Variants in PLCG2 observed in about 807,000 individuals in gnomAD.
The protein encoded by PLCG2 is phospholipase C gamma 2.
PLCG2 carries 69 observed loss-of-function variants against 175.6 expected under a neutral mutation model. The ratio of observed to expected loss-of-function variants is 0.39; its 90% confidence interval spans 0.32 to 0.48. The LOEUF (loss-of-function observed/expected upper bound fraction) is 0.48, where lower values mean the gene tolerates loss of function less well. Ranked by LOEUF, PLCG2 falls within the 20% of genes least tolerant of loss-of-function variation. PLCG2 has a pLI of 0.91. For synonymous variants in PLCG2, 827 were observed against 624.0 expected (o/e 1.33, Z -4.85); for missense variants, 1,798 against 1,650.9 (o/e 1.09, Z -1.54).
intron 5 of PLCG2, among the ~76,000 whole-genome samples, chr16:81,868,859 G>C (rs564656063): frequency 9.9e-5 from 15 of 152,076 alleles, no homozygotes; most frequent in Non-Finnish European, 1.9e-4. Context: ...CTATACTGGG[G>C]ATCTCCAGTG....
intron 31 of PLCG2, among the ~76,000 whole-genome samples, chr16:81,953,001 C>T (rs991937810): frequency 6.6e-6 from 1 of 152,230 alleles, no homozygotes; most frequent in Non-Finnish European, 1.5e-5. Context: ...CACGTACTTC[C>T]TGAGGTGAGA....
chr16:81,883,292 C>G lies in PLCG2; in HGVS notation c.716C>G (p.Ser239Cys). 1 of 1,614,180 alleles carries G rather than the reference C, an allele frequency of 6.2e-7. No homozygotes were observed. The highest frequency in any genetic ancestry group is 1.1e-5 in the South Asian group (1 of 91,084). The change falls in exon 9 of 33, where the codon TCT becomes TGT. Residue 239 changes from serine (S) to cysteine (C), a missense_variant. Physicochemically the swap from Ser to Cys is moderately radical, Grantham distance 112. Coordinates refer to ENST00000564138, the MANE Select transcript of PLCG2 (RefSeq NM_002661.5). ...AGGAACACTGACAGGCCGGATGCCT[C>G]TGCTGTTTACCTGCATGACTTCCAG... Reference protein sequence around the residue: ...ILGNTDRPDASAVYLHDFQRF... With the variant: ...ILGNTDRPDACAVYLHDFQRF...
chr16:81,847,393 C>G (rs1906180990), intron 2 of PLCG2, among the ~76,000 whole-genome samples: 1 of 152,194 alleles, frequency 6.6e-6, no homozygotes, highest in Non-Finnish European at 1.5e-5. Context: ...CCATTGGTGA[C>G]CAACTCAGTC....
In PLCG2 at chr16:81,860,178, T is replaced by TATTATTA. The variant is rs1285440736; in HGVS notation, c.479+1015_479+1016insATTATTA. ...TATTATTATTATTATTATTATTTTT[T>TATTATTA]TTTTTTTTTGTAAAGGTGAAGTCTT... On this transcript the variant is annotated intron_variant, in intron 5 of 32. Coordinates refer to ENST00000564138, the MANE Select transcript of PLCG2 (RefSeq NM_002661.5). Among the ~76,000 whole-genome samples the TATTATTA allele has an allele frequency of 1.9e-3, 211 of 113,878 alleles. 1 individual carries two copies. In the Middle Eastern group the frequency reaches 0.02, roughly 11 times the overall value. 74.7% of individuals were successfully genotyped at this position (113,878 alleles called of 152,430 possible).
intron 30 of PLCG2, among the ~76,000 whole-genome samples, chr16:81,940,559 T>C (rs1041779466): frequency 6.6e-6 from 1 of 152,222 alleles, no homozygotes; most frequent in African/African-American, 2.4e-5. Flanking sequence ...CTTTGAGTTG[T>C]TACAGTTTTC....
In PLCG2 at chr16:81,959,572, C is replaced by A. The variant is rs1220977557; in HGVS notation, c.*1574C>A. The A allele has an allele frequency of 2.0e-5, 4 of 201,348 alleles. No individual in the cohort carries two copies. Among genetic ancestry groups the A allele is most frequent in the Non-Finnish European group, 4.1e-5 (4 of 97,848 alleles). The allele number at this position is 201,348 out of a possible 1,614,324, so 12.5% of individuals were successfully genotyped here. On this transcript the variant is annotated 3_prime_UTR_variant, in exon 33 of 33. Coordinates refer to ENST00000564138, the MANE Select transcript of PLCG2 (RefSeq NM_002661.5). ...GAACAGCAGTCTGGCCAAGGAAGGGCTGTTATCTGGTGCTATCACTCCAGT... is the reference window on the plus strand; with the variant it reads ...GAACAGCAGTCTGGCCAAGGAAGGGATGTTATCTGGTGCTATCACTCCAGT...
intron 2 of PLCG2, among the ~76,000 whole-genome samples, chr16:81,841,399 C>T (rs1418144906): frequency 6.6e-6 from 1 of 151,942 alleles, no homozygotes; most frequent in African/African-American, 2.4e-5. Flanking sequence ...TACTACCATG[C>T]CCAGCTAATT....
At chr16:81,861,667 C>T (rs1906988420) in intron 5 of PLCG2, among the ~76,000 whole-genome samples, 1 of 152,168 alleles carries the variant, frequency 6.6e-6, no homozygotes, top group Non-Finnish European at 1.5e-5. Context: ...GGTGATGCCT[C>T]TTCTGACTTT....
intron 2 of PLCG2, among the ~76,000 whole-genome samples, chr16:81,846,774 T>G (rs1421358505): frequency 2.0e-5 from 3 of 152,188 alleles, no homozygotes; most frequent in Non-Finnish European, 4.4e-5. Flanking sequence ...TTTTTTCAAT[T>G]CACATTCAAT....
rs1433311945 is a variant in PLCG2, at chr16:81,961,960, C to G, written c.*3962C>G. ...GGCGATCTGGCTGCGACATCTGTCA[C>G]CCCATTGATCGCCAGGGTTGATTCG... On this transcript the variant is annotated 3_prime_UTR_variant, in exon 33 of 33. Transcript: ENST00000564138. 1 of 197,336 alleles carries G rather than the reference C, an allele frequency of 5.1e-6. No individual in the cohort carries two copies. Among genetic ancestry groups the G allele is most frequent in the Non-Finnish European group, 1.1e-5 (1 of 94,086 alleles). 12.2% of individuals were successfully genotyped at this position (197,336 alleles called of 1,614,324 possible).
chr16:81,751,804 C>T (rs1169690028), intron 1 of PLCG2, among the ~76,000 whole-genome samples: 2 of 151,998 alleles, frequency 1.3e-5, no homozygotes, highest in Non-Finnish European at 2.9e-5. Context: ...GGTGGATCAC[C>T]TGAGGTCAGG....
At chr16:81,778,919 C>G (rs1209073654), upstream of PLCG2, among the ~76,000 whole-genome samples, 1 of 152,230 alleles carries the variant, frequency 6.6e-6, no homozygotes, top group Non-Finnish European at 1.5e-5. Flanking sequence ...TCTAGGCTTC[C>G]CAAAGAGCTG....
At chr16:81,778,039 A>AAAAAAACAAAACAAAC (rs1910504923), upstream of PLCG2, among the ~76,000 whole-genome samples, 3 of 80,376 alleles carry the variant, frequency 3.7e-5, no homozygotes, top group African/African-American at 1.4e-4. Context: ...AAACAAAAAA[A>AAAAAAACAAAACAAAC]AAACAAAAAA....
chr16:81,825,148 C>T (rs1318447985), intron 2 of PLCG2, among the ~76,000 whole-genome samples: 2 of 152,170 alleles, frequency 1.3e-5, no homozygotes, highest in East Asian at 3.9e-4. Flanking sequence ...TGCATAATTG[C>T]AAGATGGTAA....
At chr16:81,744,257 T>C (rs1415645679) in intron 1 of PLCG2, among the ~76,000 whole-genome samples, 1 of 150,498 alleles carries the variant, frequency 6.6e-6, no homozygotes, top group African/African-American at 2.4e-5. Flanking sequence ...CAGCTCCGGC[T>C]CCTGGGTTCA....
chr16:81,754,676 G>C (rs1251835498), intron 1 of PLCG2, among the ~76,000 whole-genome samples: 2 of 151,228 alleles, frequency 1.3e-5, no homozygotes, highest in Non-Finnish European at 2.9e-5. Flanking sequence ...GAGCTCACTA[G>C]TGGGAACCTC....
At chr16:81,764,707 T>C (rs1910108487) in intron 2 of PLCG2, among the ~76,000 whole-genome samples, 1 of 152,224 alleles carries the variant, frequency 6.6e-6, no homozygotes, top group African/African-American at 2.4e-5. Context: ...TATGTCCAGC[T>C]GGAACCTCAG....
intron 18 of PLCG2, among the ~76,000 whole-genome samples, 154 bp from the exon 19 acceptor site, chr16:81,912,443 C>T (rs148337816): frequency 5.3e-4 from 80 of 152,338 alleles, no homozygotes; most frequent in Non-Finnish European, 1.0e-3. Flanking sequence ...TGCTGAGGTG[C>T]CTTTGTCTGG....
intron 1 of PLCG2, among the ~76,000 whole-genome samples, chr16:81,780,676 G>A (rs1373519438): frequency 2.0e-5 from 3 of 152,192 alleles, no homozygotes; most frequent in Non-Finnish European, 4.4e-5. Context: ...CCCATGAATA[G>A]CCCTTTTGCA....
Sources: allele counts gnomAD v4.1 joint callset (sites outside exome capture counted in the v4.1 genomes callset), GRCh38; gene constraint gnomAD v4.1.1; transcripts MANE v1.5; gene names NCBI Gene and HGNC (gene_info 2026-07-23, HGNC 2026-07-21).